The following PTPRG variants were observed in gnomAD, a reference collection of about 807,000 sequenced individuals.
The protein encoded by PTPRG is protein tyrosine phosphatase receptor type G.
In PTPRG, 102 loss-of-function variants were observed where a neutral mutation model predicts 165.3. The observed-to-expected ratio is 0.62, with a 90% CI of 0.53 to 0.73. The LOEUF (loss-of-function observed/expected upper bound fraction) is 0.73, where lower values mean the gene tolerates loss of function less well. PTPRG is among the 30% of genes least tolerant of loss of function. PTPRG has a pLI of 0.00. For missense variants in PTPRG, 1,866 were observed against 1,861.4 expected (o/e 1.00, Z -0.05); for synonymous variants, 675 against 669.5 (o/e 1.01, Z -0.13).
chr3:61,570,242 C>T (rs976692626), intron 1 of PTPRG, among the ~76,000 whole-genome samples: 2 of 147,884 alleles, frequency 1.4e-5, no homozygotes, highest in Non-Finnish European at 3.0e-5. Flanking sequence ...ATGCACACCT[C>T]GTACCCTCTA....
intron 26 of PTPRG, 124 bp from the exon 27 acceptor site, chr3:62,281,437 ACT>A (rs924469880): frequency 7.8e-6 from 6 of 768,296 alleles, no homozygotes; most frequent in African/African-American, 7.1e-5. Context: ...GGAACATATA[ACT>A]CTTATGAATT....
chr3:61,737,580 G>C (rs1277454969), intron 1 of PTPRG, among the ~76,000 whole-genome samples: 2 of 152,108 alleles, frequency 1.3e-5, no homozygotes, highest in Non-Finnish European at 2.9e-5. Flanking sequence ...TGACCAGCTA[G>C]GGTTCAAGTG....
chr3:61,646,231 G>C (rs1035660908), intron 1 of PTPRG, among the ~76,000 whole-genome samples: 1 of 152,080 alleles, frequency 6.6e-6, no homozygotes, highest in African/African-American at 2.4e-5. Context: ...TCAGCCTCCA[G>C]AGTAGCTGGG....
chr3:62,248,074 G>A (rs1227653465), intron 15 of PTPRG, among the ~76,000 whole-genome samples: 1 of 152,066 alleles, frequency 6.6e-6, no homozygotes, highest in Non-Finnish European at 1.5e-5. Flanking sequence ...GGAAATGCTA[G>A]ACAGAGACTG....
chr3:62,029,753 C>T lies in PTPRG; in HGVS notation c.519+26256C>T, dbSNP rs376724632. ...CATTAACAGAACTGCATCTTTTCTT[C>T]AGTAAAATCAGGTCTTCCTCCATAA... On this transcript the variant is annotated intron_variant, in intron 4 of 29. Transcript: ENST00000474889. Among the ~76,000 whole-genome samples the T allele has an allele frequency of 2.0e-5, 3 of 152,316 alleles. 1 individual carries two copies. The highest frequency in any genetic ancestry group is 7.2e-5 in the African/African-American group (3 of 41,570).
intron 6 of PTPRG, among the ~76,000 whole-genome samples, chr3:62,134,646 T>A (rs1053638971): frequency 1.3e-5 from 2 of 152,246 alleles, no homozygotes; most frequent in East Asian, 1.9e-4. Flanking sequence ...CAGGTTTCTT[T>A]CTTCAAAGCA....
chr3:61,893,824 G>T (rs767255380), intron 2 of PTPRG, among the ~76,000 whole-genome samples: 1 of 152,096 alleles, frequency 6.6e-6, no homozygotes, highest in Non-Finnish European at 1.5e-5. Flanking sequence ...GAAACATTTC[G>T]TTTATGCAAA....
At chr3:61,786,653 A>G (rs1321444401) in intron 2 of PTPRG, among the ~76,000 whole-genome samples, 2 of 152,190 alleles carry the variant, frequency 1.3e-5, no homozygotes, top group East Asian at 1.9e-4. Flanking sequence ...TTTTGGAGAA[A>G]AGACCTACTT....
chr3:62,277,205 G>T (rs1452841514), intron 25 of PTPRG, among the ~76,000 whole-genome samples, 157 bp downstream of exon 25: 1 of 152,132 alleles, frequency 6.6e-6, no homozygotes. Flanking sequence ...TTTAACAAAA[G>T]ATACCTAATC....
At position 62,273,935 on chromosome 3, in the gene PTPRG, A is replaced by C; in HGVS notation, c.3465+91A>C. On this transcript the variant is annotated intron_variant, in intron 23 of 29. Coordinates refer to ENST00000474889, the MANE Select transcript of PTPRG (RefSeq NM_002841.4). This position sits in a 1 kb window ranked among gnomAD's most constrained non-coding sequence, Gnocchi z 4.1. Reference sequence around the variant, plus strand: ...GGTTATGTCTTCTTTGCATTAATGTATACACCGAAATGGATTACTATTTGT... The same window carrying C: ...GGTTATGTCTTCTTTGCATTAATGTCTACACCGAAATGGATTACTATTTGT... 8.1e-7 allele frequency: 1 copy of C among 1,234,700 alleles called. No homozygotes were observed. The highest frequency in any genetic ancestry group is 1.1e-6 in the Non-Finnish European group (1 of 871,186). The allele number at this position is 1,234,700 out of a possible 1,614,324, so 76.5% of individuals were successfully genotyped here.
At chr3:61,822,435 CTTTATTTGCAGTAA>C (rs1361776363) in intron 2 of PTPRG, among the ~76,000 whole-genome samples, 1 of 152,120 alleles carries the variant, frequency 6.6e-6, no homozygotes, top group Non-Finnish European at 1.5e-5. Context: ...TGTCTCTGAA[CTTTATTTGCAGTAA>C]TTCACTAATG....
intron 28 of PTPRG, among the ~76,000 whole-genome samples, chr3:62,289,544 C>T (rs1186645932): frequency 6.6e-6 from 1 of 151,996 alleles, no homozygotes; most frequent in Non-Finnish European, 1.5e-5. Flanking sequence ...AAAAGAATTA[C>T]ACATCATGAA....
chr3:62,291,107 C>T (rs947166637), intron 28 of PTPRG, among the ~76,000 whole-genome samples: 1 of 151,974 alleles, frequency 6.6e-6, no homozygotes, highest in Non-Finnish European at 1.5e-5. Context: ...TATAGATGGT[C>T]AGTATTCATA....
intron 2 of PTPRG, among the ~76,000 whole-genome samples, chr3:61,844,505 T>C (rs564606528): frequency 1.1e-4 from 17 of 152,276 alleles, no homozygotes; most frequent in African/African-American, 3.6e-4. Context: ...GTTTTTGTTG[T>C]TGTTGTTACT....
intron 2 of PTPRG, among the ~76,000 whole-genome samples, chr3:61,767,074 T>C (rs1345169473): frequency 6.6e-6 from 1 of 151,412 alleles, no homozygotes; most frequent in Non-Finnish European, 1.5e-5. Context: ...TGAAACCCCA[T>C]CTCTACTAAA....
intron 1 of PTPRG, among the ~76,000 whole-genome samples, chr3:61,677,264 A>AG (rs1703267060): frequency 6.6e-6 from 1 of 151,478 alleles, no homozygotes; most frequent in Non-Finnish European, 1.5e-5. Context: ...AAAAAAAAAA[A>AG]GAATCACTAC....
intron 4 of PTPRG, among the ~76,000 whole-genome samples, chr3:62,024,744 T>G (rs1217121155): frequency 6.6e-6 from 1 of 152,198 alleles, no homozygotes. Flanking sequence ...TGTTATCTGA[T>G]AGATAAGGAT....
At chr3:61,918,508 T>G (rs2038997603) in intron 2 of PTPRG, among the ~76,000 whole-genome samples, 1 of 152,170 alleles carries the variant, frequency 6.6e-6, no homozygotes, top group African/African-American at 2.4e-5. Flanking sequence ...TGGAGCCACA[T>G]GTAAAAATAA....
At chr3:61,964,673 C>T (rs1164147362) in intron 2 of PTPRG, among the ~76,000 whole-genome samples, 4 of 152,060 alleles carry the variant, frequency 2.6e-5, no homozygotes, top group Non-Finnish European at 5.9e-5. Context: ...TTGCCTTCAC[C>T]ACTTTTTTCC....
Sources: allele counts gnomAD v4.1 joint callset (sites outside exome capture counted in the v4.1 genomes callset), GRCh38; gene constraint gnomAD v4.1.1; non-coding constraint Gnocchi (gnomAD v3.1); transcripts MANE v1.5; gene names NCBI Gene and HGNC (gene_info 2026-07-23, HGNC 2026-07-21).